Variants in SIRPG observed in about 807,000 individuals in gnomAD.
SIRPG encodes the protein signal regulatory protein gamma, also known as signal-regulatory protein gamma.
Under a neutral mutation model 35.7 loss-of-function variants are expected in SIRPG, and 38 were observed. The ratio of observed to expected loss-of-function variants is 1.06; its 90% confidence interval spans 0.82 to 1.40. SIRPG has a LOEUF of 1.40. Ranked by LOEUF, SIRPG falls within the 40% of genes most tolerant of loss-of-function variation. SIRPG has a pLI of 0.00. For synonymous variants in SIRPG, 215 were observed against 190.4 expected (o/e 1.13, Z -1.06); for missense variants, 519 against 483.0 (o/e 1.07, Z -0.70).
At chr20:1,654,815 A>G (rs757217292) in intron 1 of SIRPG, among the ~76,000 whole-genome samples, 1 of 152,224 alleles carries the variant, frequency 6.6e-6, no homozygotes, top group Non-Finnish European at 1.5e-5. Flanking sequence ...CAAAATATAT[A>G]AGGAAGTCAA....
At chr20:1,643,224 A>T (rs4814396) in intron 2 of SIRPG, among the ~76,000 whole-genome samples, 1 of 151,954 alleles carries the variant, frequency 6.6e-6, no homozygotes, top group South Asian at 2.1e-4. Flanking sequence ...CATAGCTGTG[A>T]TCTTTTTACA....
the SIRPG span, among the ~76,000 whole-genome samples, chr20:1,674,808 CAG>C: frequency 2.0e-5 from 3 of 152,186 alleles, no homozygotes; most frequent in Admixed American, 6.5e-5. Context: ...AGGTGATTTA[CAG>C]AGAGAACCTC....
At chr20:1,663,354 G>T in the SIRPG span, among the ~76,000 whole-genome samples, 2 of 152,152 alleles carry the variant, frequency 1.3e-5, no homozygotes, top group East Asian at 3.9e-4. Context: ...ACTGAAAACT[G>T]CAATCCAGTA....
intron 2 of SIRPG, among the ~76,000 whole-genome samples, chr20:1,644,872 T>C (rs181261389): frequency 3.3e-4 from 51 of 152,328 alleles, no homozygotes; most frequent in Admixed American, 2.3e-3. Flanking sequence ...TCTCGCCAGC[T>C]GCCTAGTCAA....
At chr20:1,663,532 TG>T in the SIRPG span, among the ~76,000 whole-genome samples, 3 of 152,222 alleles carry the variant, frequency 2.0e-5, no homozygotes, top group Admixed American at 2.0e-4. Flanking sequence ...GCAATCTGGT[TG>T]TTAAACTGTT....
At chr20:1,671,490 C>T in the SIRPG span, among the ~76,000 whole-genome samples, 1 of 152,144 alleles carries the variant, frequency 6.6e-6, no homozygotes, top group Non-Finnish European at 1.5e-5. Flanking sequence ...TAGCCTGCCT[C>T]CCCTGGAGAG....
the SIRPG span, chr20:1,670,921 T>C: frequency 3.1e-6 from 1 of 326,516 alleles, no homozygotes; most frequent in Admixed American, 3.6e-5. Flanking sequence ...ACAAAGAGGG[T>C]CCCCCTGTAA....
the SIRPG span, among the ~76,000 whole-genome samples, chr20:1,674,186 T>G: frequency 4.6e-5 from 7 of 151,912 alleles, no homozygotes; most frequent in African/African-American, 1.4e-4. Flanking sequence ...CTGGCATTTT[T>G]TTTTAGGAGG....
chr20:1,666,888 T>C, the SIRPG span, among the ~76,000 whole-genome samples: 1,283 of 152,224 alleles, frequency 8.4e-3, 24 homozygotes, highest in African/African-American at 0.027. Flanking sequence ...TACTGCACCT[T>C]TTAATGTTTA....
rs147655438 is a variant in SIRPG at position 1,635,334 on chromosome 20, C to T, written c.1014G>A (p.Ala338=). The T allele has an allele frequency of 5.6e-6, 9 of 1,614,038 alleles. No individual in the cohort carries two copies. The highest frequency in any genetic ancestry group is 1.6e-4 in the Middle Eastern group (1 of 6,084). ...CCTCTAGGGCAAGGCGTTTGCTGAC[C>T]GCCAGCTGCCCATCATGCTTCACCT... ...TCQVKHDGQL[A]VSKRLALEVT... The change falls in exon 4 of 6, where the codon GCG becomes GCA. Residue 338 remains alanine (A), a synonymous_variant. Transcript: ENST00000303415.
chr20:1,678,138 A>G, the SIRPG span, among the ~76,000 whole-genome samples: 23 of 152,208 alleles, frequency 1.5e-4, no homozygotes, highest in African/African-American at 3.9e-4. Context: ...TTCTTTTCTC[A>G]TAGTTACGTC....
At chr20:1,670,212 G>A in the SIRPG span, 1 of 261,612 alleles carries the variant, frequency 3.8e-6, no homozygotes, top group Non-Finnish European at 8.3e-6. Context: ...GCCTTTATGG[G>A]CTGTTGAGTA....
At chr20:1,648,924 G>A (rs2091917011) in intron 2 of SIRPG, 128 bp downstream of exon 2, 7 of 851,186 alleles carry the variant, frequency 8.2e-6, no homozygotes, top group African/African-American at 1.7e-5. Flanking sequence ...ATCTGTAGAA[G>A]GGGGTGACAA....
At chr20:1,655,631 A>G (rs1290030792) in intron 1 of SIRPG, among the ~76,000 whole-genome samples, 1 of 152,198 alleles carries the variant, frequency 6.6e-6, no homozygotes, top group Non-Finnish European at 1.5e-5. Flanking sequence ...ACTTAATAAT[A>G]TGAATTGTAT....
upstream of SIRPG, among the ~76,000 whole-genome samples, chr20:1,659,055 A>G (rs2091988961): frequency 1.3e-5 from 2 of 152,222 alleles, no homozygotes; most frequent in Admixed American, 1.3e-4. Flanking sequence ...TTGTAGAGCT[A>G]TGGTAGGAAT....
At chr20:1,630,478 G>A in intron 4 of SIRPG, 172 bp from the exon 5 acceptor site, 3 of 583,668 alleles carry the variant, frequency 5.1e-6, no homozygotes, top group South Asian at 2.1e-5. Context: ...ACAGAAAGAG[G>A]CTCCCCATTC....
intron 2 of SIRPG, among the ~76,000 whole-genome samples, 179 bp from the exon 3 acceptor site, chr20:1,636,684 G>A (rs990344171): frequency 2.2e-4 from 33 of 152,158 alleles, no homozygotes; most frequent in African/African-American, 7.7e-4. Context: ...AAGAGGTGAC[G>A]ACCAGCCCCA....
chr20:1,672,930 C>G, the SIRPG span, among the ~76,000 whole-genome samples: 9 of 152,122 alleles, frequency 5.9e-5, no homozygotes, highest in Non-Finnish European at 1.2e-4. Flanking sequence ...GAAACACAGA[C>G]CCAGGCCATC....
At chr20:1,656,545 C>T (rs1033803356) in intron 1 of SIRPG, among the ~76,000 whole-genome samples, 1 of 152,116 alleles carries the variant, frequency 6.6e-6, no homozygotes, top group Admixed American at 6.6e-5. Flanking sequence ...ACAGCAGGGC[C>T]CAGTGGGCAA....
Sources: allele counts gnomAD v4.1 joint callset (sites outside exome capture counted in the v4.1 genomes callset), GRCh38; gene constraint gnomAD v4.1.1; transcripts MANE v1.5; gene names NCBI Gene and HGNC (gene_info 2026-07-23, HGNC 2026-07-21).